Variants in WAPL observed in about 807,000 individuals in gnomAD.
WAPL encodes the protein wings apart-like protein homolog.
WAPL carries 5 observed loss-of-function variants against 121.0 expected under a neutral mutation model. The ratio of observed to expected loss-of-function variants is 0.04; its 90% CI spans 0.02 to 0.09. WAPL has a LOEUF of 0.09. Among genes scored for constraint, WAPL ranks in the 10% least tolerant of loss-of-function variants. The pLI, the probability that WAPL is intolerant of heterozygous loss-of-function variation, is 1.00. For synonymous variants in WAPL, 480 were observed against 481.5 expected, an observed-to-expected ratio of 1.00 and a Z score of 0.04; for missense variants, 999 against 1,410.8, an observed-to-expected ratio of 0.71 and a Z score of 4.68.
intron 12 of WAPL, among the ~76,000 whole-genome samples, chr10:86,457,863 A>G (rs1841186680): frequency 6.6e-6 from 1 of 152,156 alleles, no homozygotes; most frequent in South Asian, 2.1e-4. Context: ...TTTTTAAAAG[A>G]GTCCTTTTCT....
intron 15 of WAPL, among the ~76,000 whole-genome samples, chr10:86,447,460 G>C (rs1849650896): frequency 6.6e-6 from 1 of 152,126 alleles, no homozygotes; most frequent in Admixed American, 6.5e-5. Context: ...AAGGGCTTTG[G>C]AAAAATAAAA....
rs201751242 is a variant in WAPL at position 86,454,359 on chromosome 10, GCTCTCC to G, written c.2658-534_2658-529del. ...GGATGAGCTACATCTAAGGATTCTC[GCTCTCC>G]CTCTCCCTCTCCCTCCACAATCTCC... On this transcript the variant is annotated intron_variant, in intron 12 of 18. Transcript: ENST00000298767. 4.8e-4 allele frequency among the ~76,000 whole-genome samples: 73 copies of G among 151,770 alleles called. No individual in the cohort carries two copies. In the East Asian group the frequency reaches 8.3e-3, roughly 17 times the overall value.
rs1195542813 is a variant in WAPL, at chr10:86,488,349, T to C, written c.1644+8852A>G. 2.6e-5 allele frequency: 4 copies of C among 152,202 alleles called. No individual in the cohort carries two copies. In the East Asian group the frequency reaches 5.8e-4, roughly 22 times the overall value. The allele number at this position is 152,202 out of a possible 1,614,324, so 9.4% of individuals were successfully genotyped here. ...ACAAGTATTTATTTCTAAATACCAT[T>C]CTCCATGAACTGCAAACAGGAATCC... On this transcript the variant is annotated intron_variant, in intron 4 of 18. Coordinates refer to ENST00000298767, the MANE Select transcript of WAPL (RefSeq NM_015045.5).
chr10:86,479,654 T>C (rs1400827100), intron 4 of WAPL, among the ~76,000 whole-genome samples: 1 of 152,250 alleles, frequency 6.6e-6, no homozygotes, highest in Admixed American at 6.5e-5. Context: ...GACAAAATAG[T>C]AAGCTGATAA....
chr10:86,448,444 C>CTGTA (rs1239900501), intron 15 of WAPL, among the ~76,000 whole-genome samples: 15 of 152,204 alleles, frequency 9.9e-5, no homozygotes, highest in East Asian at 5.8e-4. Flanking sequence ...GAGTGAGACC[C>CTGTA]TGTATGTATG....
In WAPL at chr10:86,478,057, GA is replaced by G. The variant is rs768579639; in HGVS notation, c.1645-4085del. 7.4e-3 allele frequency among the ~76,000 whole-genome samples: 913 copies of G among 123,358 alleles called. 5 individuals carry two copies. Among genetic ancestry groups the G allele is most frequent in the Non-Finnish European group, 9.2e-3 (535 of 57,962 alleles). 80.9% of individuals were successfully genotyped at this position (123,358 alleles called of 152,430 possible). A position where few individuals can be genotyped will look rare whatever the true frequency, so the allele number is the denominator to read the frequency against. On this transcript the variant is annotated intron_variant, in intron 4 of 18. Coordinates refer to ENST00000298767, the MANE Select transcript of WAPL (RefSeq NM_015045.5). ...GCAACAAAAGCGAAACTCTGTCTCGGAAAAAAAAAAAAAAGAAAGAAAGAAA... is the reference window on the plus strand; with the variant it reads ...GCAACAAAAGCGAAACTCTGTCTCGGAAAAAAAAAAAAAGAAAGAAAGAAA...
intron 17 of WAPL, 88 bp from the exon 18 acceptor site, chr10:86,438,103 T>C: frequency 1.1e-6 from 1 of 909,214 alleles, no homozygotes; most frequent in Non-Finnish European, 1.7e-6. Context: ...GACACACATC[T>C]TGGTGCAAAT....
chr10:86,467,598 C>T, intron 8 of WAPL, 92 bp from the exon 9 acceptor site: 1 of 919,806 alleles, frequency 1.1e-6, no homozygotes, highest in Non-Finnish European at 1.6e-6. Context: ...CTTTTGTTTA[C>T]AAGTTAATGC....
At chr10:86,479,863 G>T (rs1281588944) in intron 4 of WAPL, among the ~76,000 whole-genome samples, 1 of 152,094 alleles carries the variant, frequency 6.6e-6, no homozygotes, top group Non-Finnish European at 1.5e-5. Flanking sequence ...TTCTTTAAAG[G>T]ATTTATAAAA....
chr10:86,508,297 T>C (rs763024861), intron 2 of WAPL, among the ~76,000 whole-genome samples: 4 of 152,194 alleles, frequency 2.6e-5, no homozygotes, highest in Middle Eastern at 3.2e-3. Context: ...AAACACACTT[T>C]TAGCTATAAA....
At chr10:86,478,639 T>C (rs1841713747) in intron 4 of WAPL, among the ~76,000 whole-genome samples, 2 of 152,140 alleles carry the variant, frequency 1.3e-5, no homozygotes, top group Non-Finnish European at 2.9e-5. Context: ...AATGTGACAT[T>C]CCATTAAAGC....
In WAPL at chr10:86,461,215, GTTC is replaced by G. The variant is rs1841264943; in HGVS notation, c.2440_2442del (p.Glu814del). On this transcript the variant is annotated inframe_deletion, in exon 10 of 19. Coordinates refer to ENST00000298767, the MANE Select transcript of WAPL (RefSeq NM_015045.5). ...TGATCCAGACCACCCAAAAGCCGGA[GTTC>G]TTCTTTAAACCAGTCTCCTGCTCGT... 1 of 1,613,736 alleles carries G rather than the reference GTTC, an allele frequency of 6.2e-7. No individual in the cohort carries two copies. The highest frequency in any genetic ancestry group is 8.5e-7 in the Non-Finnish European group (1 of 1,179,870).
At chr10:86,457,087 T>A (rs2132178259) in intron 12 of WAPL, among the ~76,000 whole-genome samples, 1 of 152,220 alleles carries the variant, frequency 6.6e-6, no homozygotes, top group South Asian at 2.1e-4. Flanking sequence ...CATACACAAT[T>A]TTTCTTAATT....
intron 8 of WAPL, 22 bp from the exon 9 acceptor site, chr10:86,467,528 A>G: frequency 6.4e-7 from 1 of 1,570,428 alleles, no homozygotes; most frequent in Non-Finnish European, 8.6e-7. Context: ...CAAAAAAAGA[A>G]AAGAAAAAAA....
intron 17 of WAPL, among the ~76,000 whole-genome samples, chr10:86,442,196 A>G (rs1313426919): frequency 6.6e-6 from 1 of 152,064 alleles, no homozygotes; most frequent in African/African-American, 2.4e-5. Flanking sequence ...CACGCCCAGC[A>G]AATTTTTATA....
chr10:86,443,392 C>T (rs1347619206), intron 16 of WAPL, 29 bp from the exon 17 acceptor site: 1 of 1,603,580 alleles, frequency 6.2e-7, no homozygotes, highest in Admixed American at 1.7e-5. Context: ...AGAATTGTAA[C>T]AGTATATTAA....
chr10:86,516,707 C>T (rs548467548), intron 2 of WAPL, among the ~76,000 whole-genome samples: 1 of 152,098 alleles, frequency 6.6e-6, no homozygotes, highest in South Asian at 2.1e-4. Context: ...GAAGACAGAA[C>T]AAAATATATC....
chr10:86,499,100 G>A (rs1371413195), intron 3 of WAPL, among the ~76,000 whole-genome samples: 2 of 152,154 alleles, frequency 1.3e-5, no homozygotes, highest in Non-Finnish European at 2.9e-5. Flanking sequence ...GAAACATCAC[G>A]ATGTTTGGTG....
intron 7 of WAPL, among the ~76,000 whole-genome samples, chr10:86,471,617 T>C (rs1841534500): frequency 7.8e-6 from 1 of 127,418 alleles, no homozygotes; most frequent in South Asian, 2.9e-4. Flanking sequence ...CTTAAAAGAT[T>C]TTTTTTTAAT....
Sources: gnomAD v4.1 joint callset for allele counts (sites outside exome capture counted in the v4.1 genomes callset) on GRCh38, gnomAD v4.1.1 for gene constraint, MANE v1.5 for transcripts, NCBI Gene and HGNC (gene_info 2026-07-23, HGNC 2026-07-21) for gene names.